DEPDC5: variants seen among roughly 807,000 people sequenced by gnomAD.
DEPDC5 encodes the protein DEP domain containing 5, GATOR1 subcomplex subunit, also known as GATOR1 complex protein DEPDC5.
Under a neutral mutation model 217.3 loss-of-function variants are expected in DEPDC5, and 73 were observed. That is an observed-to-expected ratio of 0.34 (90% CI 0.28 to 0.41). DEPDC5 has a LOEUF of 0.41. DEPDC5 is among the 10% of genes least tolerant of loss of function. The pLI, the probability that DEPDC5 is intolerant of heterozygous loss-of-function variation, is 1.00. For missense variants in DEPDC5, 1,675 were observed against 2,070.1 expected, an observed-to-expected ratio of 0.81 and a Z score of 3.70; for synonymous variants, 733 against 756.7, an observed-to-expected ratio of 0.97 and a Z score of 0.51.
chr22:31,809,865 C>T (rs1168919404), intron 19 of DEPDC5, among the ~76,000 whole-genome samples: 1 of 151,986 alleles, frequency 6.6e-6, no homozygotes, highest in Non-Finnish European at 1.5e-5. Context: ...GCCTGTAATC[C>T]CAGCTACTCG....
chr22:31,849,464 G>A (rs2091911725), intron 31 of DEPDC5, among the ~76,000 whole-genome samples: 1 of 152,064 alleles, frequency 6.6e-6, no homozygotes, highest in African/African-American at 2.4e-5. Context: ...GCAGAGTGGA[G>A]GGGAAGGGAA....
chr22:31,817,390 G>A (rs556072964), intron 21 of DEPDC5: 410 of 396,304 alleles, frequency 1.0e-3, no homozygotes, highest in African/African-American at 8.0e-3. Context: ...GATTACGGGC[G>A]TGAGCCACCT....
intron 33 of DEPDC5, among the ~76,000 whole-genome samples, chr22:31,862,352 G>C (rs1331328342): frequency 6.6e-6 from 1 of 152,106 alleles, no homozygotes; most frequent in East Asian, 1.9e-4. Context: ...ATCACTTGAG[G>C]TCAGGAGTTT....
At chr22:31,838,957 G>T in intron 27 of DEPDC5, 112 bp downstream of exon 27, 2 of 1,204,126 alleles carry the variant, frequency 1.7e-6, no homozygotes, top group Non-Finnish European at 2.3e-6. Context: ...TTTCGACATA[G>T]AAGTTTTCTT....
At position 31,845,748 on chromosome 22, in the gene DEPDC5, CGT is replaced by C. The variant is rs369816632; in HGVS notation, c.3021+528_3021+529del. 4.3e-3 allele frequency among the ~76,000 whole-genome samples: 647 copies of C among 149,250 alleles called. 7 individuals carry two copies. The highest frequency in any genetic ancestry group is 0.015 in the African/African-American group (589 of 40,564). ...TTTTTTAAACATATAGTATAATTGA[CGT>C]GTGTGTGTGTGTGTGTATGTGTGTG... On this transcript the variant is annotated intron_variant, in intron 30 of 42. Coordinates refer to ENST00000651528, the MANE Select transcript of DEPDC5 (RefSeq NM_001242896.3).
intron 8 of DEPDC5, among the ~76,000 whole-genome samples, chr22:31,779,886 G>C (rs1474877743): frequency 1.3e-5 from 2 of 152,060 alleles, no homozygotes; most frequent in East Asian, 3.9e-4. Flanking sequence ...AGAGAGGAAG[G>C]GAAGAGAGAC....
intron 10 of DEPDC5, among the ~76,000 whole-genome samples, chr22:31,790,192 A>G (rs1207711376): frequency 6.6e-6 from 1 of 152,106 alleles, no homozygotes; most frequent in Non-Finnish European, 1.5e-5. Flanking sequence ...GTATTTAGGA[A>G]TTTCTGTCCA....
At chr22:31,814,849 T>A (rs776477766) in intron 20 of DEPDC5, 143 bp from the exon 21 acceptor site, 8 of 770,496 alleles carry the variant, frequency 1.0e-5, no homozygotes, top group Non-Finnish European at 1.7e-5. Context: ...AAGTACCGCA[T>A]ACAGGTTTCC....
chr22:31,884,142 C>T (rs1264533645), intron 38 of DEPDC5, among the ~76,000 whole-genome samples: 1 of 152,154 alleles, frequency 6.6e-6, no homozygotes, highest in South Asian at 2.1e-4. Context: ...AAAACTGAAG[C>T]GGTCAGAAGA....
intron 24 of DEPDC5, among the ~76,000 whole-genome samples, chr22:31,830,630 C>CGTGTGT (rs34078350): frequency 0.013 from 1,889 of 142,526 alleles, 23 homozygotes; most frequent in African/African-American, 0.035. Context: ...TATGCGTGTA[C>CGTGTGT]GTGTGTGTGT....
At chr22:31,767,514 C>G (rs1430898629) in intron 6 of DEPDC5, among the ~76,000 whole-genome samples, 1 of 152,032 alleles carries the variant, frequency 6.6e-6, no homozygotes, top group Non-Finnish European at 1.5e-5. Context: ...AGGTTGGTCT[C>G]GAACTCCAGA....
intron 19 of DEPDC5, among the ~76,000 whole-genome samples, chr22:31,809,889 G>A (rs2148701682): frequency 6.6e-6 from 1 of 152,270 alleles, no homozygotes; most frequent in African/African-American, 2.4e-5. Flanking sequence ...GGCTGAGGCA[G>A]GAGAATCACT....
chr22:31,866,816 G>A (rs919409250), intron 33 of DEPDC5, among the ~76,000 whole-genome samples: 1 of 152,148 alleles, frequency 6.6e-6, no homozygotes, highest in Non-Finnish European at 1.5e-5. Context: ...TACTCAAAAA[G>A]AATACCCCAG....
chr22:31,802,620 T>C (rs942993723), intron 14 of DEPDC5, 84 bp from the exon 15 acceptor site: 1 of 1,396,748 alleles, frequency 7.2e-7, no homozygotes, highest in Non-Finnish European at 9.5e-7. Flanking sequence ...GGCAGAATGC[T>C]CTGAGAGTGT....
At chr22:31,798,201 G>A (rs2086472151) in intron 13 of DEPDC5, among the ~76,000 whole-genome samples, 1 of 152,078 alleles carries the variant, frequency 6.6e-6, no homozygotes, top group Admixed American at 6.6e-5. Context: ...GGGATTACAG[G>A]CATGAGCCAC....
chr22:31,868,899 T>C lies in DEPDC5; in HGVS notation c.3331-1691T>C, dbSNP rs2092760924. Among the ~76,000 whole-genome samples, 3 of 152,154 alleles carry C rather than the reference T, an allele frequency of 2.0e-5. No homozygotes were observed. In the South Asian group the frequency reaches 6.2e-4, roughly 32 times the overall value. On this transcript the variant is annotated intron_variant, in intron 33 of 42. Coordinates refer to ENST00000651528, the MANE Select transcript of DEPDC5 (RefSeq NM_001242896.3). ...CATATACTTGCTCTGGGTATAATCT[T>C]TGATGCATGCTGCTGGGCTTCCGGG...
At chr22:31,790,795 G>A (rs906683606) in intron 10 of DEPDC5, among the ~76,000 whole-genome samples, 1 of 144,418 alleles carries the variant, frequency 6.9e-6, no homozygotes, top group Non-Finnish European at 1.5e-5. Flanking sequence ...CGCCCAGGCT[G>A]GAGTGCAATG....
chr22:31,870,965 G>A (rs1338885661), intron 34 of DEPDC5, among the ~76,000 whole-genome samples: 1 of 152,234 alleles, frequency 6.6e-6, no homozygotes, highest in Non-Finnish European at 1.5e-5. Context: ...CCACAGAGAT[G>A]TAGGAAAGTG....
intron 15 of DEPDC5, among the ~76,000 whole-genome samples, chr22:31,803,427 T>C (rs1484108489): frequency 3.3e-5 from 5 of 152,082 alleles, no homozygotes; most frequent in Admixed American, 2.0e-4. Context: ...TTAGCCAGGA[T>C]GGTCTCGATC....
Sources: gnomAD v4.1 joint callset for allele counts (sites outside exome capture counted in the v4.1 genomes callset) on GRCh38, gnomAD v4.1.1 for gene constraint, MANE v1.5 for transcripts, NCBI Gene and HGNC (gene_info 2026-07-23, HGNC 2026-07-21) for gene names.